ATG4C: variants seen among roughly 807,000 people sequenced by gnomAD.
ATG4C encodes the protein cysteine protease ATG4C.
A neutral mutation model predicts 57.6 loss-of-function variants in ATG4C; 56 were observed. The ratio of observed to expected loss-of-function variants is 0.97; its 90% confidence interval spans 0.78 to 1.21. The LOEUF is 1.21. Ranked by LOEUF, ATG4C falls within the 50% of genes most tolerant of loss-of-function variation. The pLI, the probability that ATG4C is intolerant of heterozygous loss-of-function variation, is 0.00. For missense variants in ATG4C, 595 were observed against 529.8 expected (o/e 1.12, Z -1.21); for synonymous variants, 157 against 174.1 (o/e 0.90, Z 0.78).
intron 6 of ATG4C, among the ~76,000 whole-genome samples, chr1:62,826,647 G>A (rs961792023): frequency 6.7e-6 from 1 of 150,232 alleles, no homozygotes; most frequent in Non-Finnish European, 1.5e-5. Flanking sequence ...CAACGTGCAG[G>A]TTTGTTACAT....
chr1:62,833,121 A>G (rs1196034302), intron 7 of ATG4C, among the ~76,000 whole-genome samples: 1 of 152,176 alleles, frequency 6.6e-6, no homozygotes, highest in Non-Finnish European at 1.5e-5. Context: ...GTTAAAGGAA[A>G]AAGAACGTTT....
chr1:62,854,568 C>T (rs116466322), intron 10 of ATG4C, among the ~76,000 whole-genome samples: 3,692 of 152,240 alleles, frequency 0.024, 75 homozygotes, highest in Non-Finnish European at 0.04. Context: ...TGAGCCACCA[C>T]GTCCAGCTGT....
chr1:62,841,686 T>C (rs571292760), intron 10 of ATG4C, 139 bp downstream of exon 10: 1 of 744,282 alleles, frequency 1.3e-6, no homozygotes, highest in South Asian at 3.0e-5. Flanking sequence ...TATTGTGAAT[T>C]GAAAAATAAA....
chr1:62,805,419 A>T (rs1664846075), intron 3 of ATG4C, among the ~76,000 whole-genome samples, 164 bp downstream of exon 3: 1 of 151,924 alleles, frequency 6.6e-6, no homozygotes, highest in Non-Finnish European at 1.5e-5. Context: ...TTTCTTGTTA[A>T]CTAGTTGAGG....
In ATG4C at chr1:62,829,082, C is replaced by T; in HGVS notation, c.839C>T (p.Thr280Ile). 6.2e-7 allele frequency: 1 copy of T among 1,612,790 alleles called. No individual in the cohort carries two copies. The highest frequency in any genetic ancestry group is 8.5e-7 in the Non-Finnish European group (1 of 1,179,086). The change falls in exon 7 of 11, where the codon ACT becomes ATT. Residue 280 changes from threonine (T) to isoleucine (I), a missense_variant. By Grantham distance (89) the Thr-to-Ile change is moderately conservative (BLOSUM62 -1). Coordinates refer to ENST00000317868, the MANE Select transcript of ATG4C (RefSeq NM_032852.4). ...ATTGATAAACAGAGTGCTTCCATGA[C>T]TTCTGATAATGCAGATGACAAAGCT... ...DVIDKQSASM[T>I]SDNADDKAVI...
chr1:62,825,421 A>T (rs1665619227), intron 6 of ATG4C, among the ~76,000 whole-genome samples: 1 of 151,944 alleles, frequency 6.6e-6, no homozygotes, highest in South Asian at 2.1e-4. Flanking sequence ...TGATTTCTGG[A>T]CACTACTCTG....
chr1:62,841,642 A>G, intron 10 of ATG4C, 95 bp downstream of exon 10: 1 of 1,057,060 alleles, frequency 9.5e-7, no homozygotes, highest in South Asian at 2.2e-5. Context: ...AATTTTTTAT[A>G]AAATTTCCTC....
intron 3 of ATG4C, among the ~76,000 whole-genome samples, chr1:62,808,525 T>C (rs1664953913): frequency 6.6e-6 from 1 of 152,172 alleles, no homozygotes; most frequent in Non-Finnish European, 1.5e-5. Context: ...GGAAAATATC[T>C]ATCTTTAAGG....
chr1:62,794,872 A>G (rs1441521179), intron 1 of ATG4C, among the ~76,000 whole-genome samples: 1 of 152,170 alleles, frequency 6.6e-6, no homozygotes, highest in African/African-American at 2.4e-5. Flanking sequence ...AGCAGAGATG[A>G]TAGCCCATTG....
At chr1:62,790,676 T>C (rs1488203605) in intron 1 of ATG4C, among the ~76,000 whole-genome samples, 1 of 152,238 alleles carries the variant, frequency 6.6e-6, no homozygotes, top group African/African-American at 2.4e-5. Context: ...TTGTAATATA[T>C]AGTTATAGAG....
intron 10 of ATG4C, among the ~76,000 whole-genome samples, chr1:62,844,092 G>C (rs183685757): frequency 1.1e-3 from 162 of 152,318 alleles, no homozygotes; most frequent in African/African-American, 3.8e-3. Flanking sequence ...AGTTTGTCTA[G>C]AGAATGGCAA....
intron 10 of ATG4C, among the ~76,000 whole-genome samples, chr1:62,849,796 C>T (rs1320284929): frequency 6.6e-6 from 1 of 151,904 alleles, no homozygotes; most frequent in East Asian, 1.9e-4. Flanking sequence ...CAGGCGTGAG[C>T]CACTACACCT....
intron 8 of ATG4C, 94 bp from the exon 9 acceptor site, chr1:62,834,682 A>AT: frequency 8.0e-6 from 8 of 1,005,260 alleles, no homozygotes; most frequent in African/African-American, 1.6e-5. Context: ...TTACTCCCAG[A>AT]TTTTTTTCAG....
chr1:62,796,798 G>A (rs2100285797), intron 1 of ATG4C, among the ~76,000 whole-genome samples: 1 of 152,236 alleles, frequency 6.6e-6, no homozygotes, highest in East Asian at 1.9e-4. Context: ...TCAAAGTAGA[G>A]GTTCATTTCT....
intron 10 of ATG4C, among the ~76,000 whole-genome samples, chr1:62,850,853 T>G (rs1666488045): frequency 3.1e-5 from 1 of 31,798 alleles, no homozygotes; most frequent in Non-Finnish European, 6.2e-5. Context: ...TGTGTATGTA[T>G]GTATATATAT....
At position 62,821,125 on chromosome 1, in the gene ATG4C, T is replaced by G; in HGVS notation, c.726-14T>G. ...TGTTAGGATTTTGAAAGATAATGCT[T>G]GTTATTTTCTCAGAAAAGCAGTTGA... is the stretch of plus-strand genomic sequence containing the variant. On this transcript the variant is annotated splice_polypyrimidine_tract_variant and intron_variant, in intron 5 of 10. Transcript: ENST00000317868. 2 of 1,577,278 alleles carry G rather than the reference T, an allele frequency of 1.3e-6. No homozygotes were observed. The highest frequency in any genetic ancestry group is 2.4e-5 in the South Asian group (2 of 85,068).
intron 10 of ATG4C, among the ~76,000 whole-genome samples, chr1:62,858,020 A>G (rs1258830443): frequency 1.3e-5 from 2 of 152,176 alleles, no homozygotes; most frequent in East Asian, 3.8e-4. Flanking sequence ...CTTGAATTTA[A>G]ACTAAACACT....
intron 1 of ATG4C, among the ~76,000 whole-genome samples, chr1:62,785,611 G>C (rs1489745157): frequency 1.3e-5 from 2 of 152,144 alleles, no homozygotes; most frequent in African/African-American, 4.8e-5. Context: ...GAAATTTTCT[G>C]GCTTTCTGGG....
At chr1:62,801,193 A>G (rs147293048) in intron 1 of ATG4C, among the ~76,000 whole-genome samples, 30 of 152,378 alleles carry the variant, frequency 2.0e-4, no homozygotes, top group African/African-American at 7.2e-4. Flanking sequence ...CTTAAGTACC[A>G]GGAACTATGC....
Sources: allele counts gnomAD v4.1 joint callset (sites outside exome capture counted in the v4.1 genomes callset), GRCh38; gene constraint gnomAD v4.1.1; transcripts MANE v1.5; gene names NCBI Gene and HGNC (gene_info 2026-07-23, HGNC 2026-07-21).